NEB: variants seen among roughly 807,000 people sequenced by gnomAD.
NEB encodes nemaline myopathy type 2.
Under a neutral mutation model 952.2 loss-of-function variants are expected in NEB, and 512 were observed. That is an observed-to-expected ratio of 0.54 (90% CI 0.50 to 0.58). The LOEUF (loss-of-function observed/expected upper bound fraction) is 0.58, where lower values mean the gene tolerates loss of function less well. Ranked by LOEUF, NEB falls within the 20% of genes least tolerant of loss-of-function variation. NEB has a pLI of 0.00. For synonymous variants in NEB, 2,900 were observed against 3,149.8 expected, an observed-to-expected ratio of 0.92 and a Z score of 2.66; for missense variants, 8,428 against 9,231.1, an observed-to-expected ratio of 0.91 and a Z score of 3.56.
chr2:151,669,256 T>G, intron 38 of NEB, 125 bp from the exon 39 acceptor site: 1 of 675,298 alleles, frequency 1.5e-6, no homozygotes, highest in Admixed American at 2.3e-5. Context: ...AAATACCTAC[T>G]CTGTCATAAG....
chr2:151,546,134 A>T, intron 134 of NEB, 136 bp from the exon 135 acceptor site: 4 of 728,410 alleles, frequency 5.5e-6, no homozygotes, highest in Non-Finnish European at 9.0e-6. Context: ...CCCAGGCAGG[A>T]GCAAAAACAA....
chr2:151,643,225 A>G lies in NEB; in HGVS notation c.8085T>C (p.Asp2695=). 6.2e-7 allele frequency: 1 copy of G among 1,613,946 alleles called. No homozygotes were observed. The highest frequency in any genetic ancestry group is 1.1e-5 in the South Asian group (1 of 91,084). The part of the protein sequence containing the change: ...LSDHVYRQHP[D]QFKFSSLMDS... ...CCATAAGGCTGGAAAACTTAAATTGATCTGGGTGCTGACGGTAAACATGGT... is the reference window on the plus strand; with the variant it reads ...CCATAAGGCTGGAAAACTTAAATTGGTCTGGGTGCTGACGGTAAACATGGT... Residue 2695 remains aspartate, a synonymous_variant, in exon 58 of 182, where the codon GAT becomes GAC. Transcript: ENST00000397345.
In NEB at chr2:151,625,656, G is replaced by T; in HGVS notation, c.10348-18C>A. The T allele has an allele frequency of 1.3e-6, 2 of 1,518,206 alleles. No homozygotes were observed. The highest frequency in any genetic ancestry group is 1.8e-6 in the Non-Finnish European group (2 of 1,117,866). The allele number at this position is 1,518,206 out of a possible 1,614,324, so 94.0% of individuals were successfully genotyped here. A position where few individuals can be genotyped will look rare whatever the true frequency, so the allele number is the denominator to read the frequency against. Reference sequence around the variant, plus strand: ...TATAAGCGCTGTGAAGGATAAAAAGGTTAATGAATTAGAAAAACAGTTTGT... The same window carrying T: ...TATAAGCGCTGTGAAGGATAAAAAGTTTAATGAATTAGAAAAACAGTTTGT... On this transcript the variant is annotated intron_variant, in intron 70 of 181. Coordinates refer to ENST00000397345, the MANE Select transcript of NEB (RefSeq NM_001164508.2).
Position 151,546,099 on chromosome 2 carries a change from G to A in NEB, c.20467-101C>T, listed in dbSNP as rs550520536. The stretch of plus-strand genomic sequence containing the variant: ...TGTCTGGCATGTGTAAGCTGAGCAG[G>A]GCTTTCATGTGTCCTGGATGTCTTC... On this transcript the variant is annotated intron_variant, in intron 134 of 181. Coordinates refer to ENST00000397345, the MANE Select transcript of NEB (RefSeq NM_001164508.2). The A allele has an allele frequency of 7.1e-6, 6 of 846,612 alleles. No individual in the cohort carries two copies. The African/African-American group carries it at 8.5e-5, about 12-fold the overall frequency. 52.4% of individuals were successfully genotyped at this position (846,612 alleles called of 1,614,324 possible).
rs140332440 is a variant in NEB, at chr2:151,658,494, T to TA, written c.6076-405dup. On this transcript the variant is annotated intron_variant, in intron 47 of 181. Coordinates refer to ENST00000397345, the MANE Select transcript of NEB (RefSeq NM_001164508.2). ...TGTATAATAATGTGGAATCTACAATTAAAAAAAAAGGTCAGCTATTCCAAA... is the reference window on the plus strand; with the variant it reads ...TGTATAATAATGTGGAATCTACAATTAAAAAAAAAAGGTCAGCTATTCCAAA... Among the ~76,000 whole-genome samples the TA allele has an allele frequency of 4.2e-3, 638 of 150,490 alleles. 16 individuals are homozygous for TA. The East Asian group carries it at 0.072, about 17-fold the overall frequency.
chr2:151,605,332 A>G, intron 84 of NEB, among the ~76,000 whole-genome samples: 1 of 121,648 alleles, frequency 8.2e-6, no homozygotes, highest in Non-Finnish European at 2.0e-5. Flanking sequence ...GATAATCTCC[A>G]TCACCAAGCT....
chr2:151,722,698 C>T (rs2099778201), intron 9 of NEB, among the ~76,000 whole-genome samples: 2 of 152,102 alleles, frequency 1.3e-5, no homozygotes, highest in South Asian at 4.2e-4. Context: ...CATGCACCCC[C>T]ACACTTGGCT....
intron 114 of NEB, among the ~76,000 whole-genome samples, 188 bp from the exon 115 acceptor site, chr2:151,566,008 G>C (rs1342811106): frequency 6.6e-6 from 1 of 152,206 alleles, no homozygotes; most frequent in Non-Finnish European, 1.5e-5. Flanking sequence ...ACTATGCTTG[G>C]TGTTTTGATG....
Position 151,619,496 on chromosome 2 carries a change from C to T in NEB, c.10827G>A (p.Gln3609=), listed in dbSNP as rs775200475. 2.4e-5 allele frequency: 38 copies of T among 1,612,620 alleles called. No individual in the cohort carries two copies. In the South Asian group the frequency reaches 4.1e-4, roughly 17 times the overall value. ...CTTTCCGTGCATGAATGATGTCATT[C>T]TGGTCGGGCAGGCAGATCCATTCAT... The part of the protein sequence containing the change: ...PLHEWICLPD[Q]NDIIHARKAY... The change falls in exon 73 of 182, where the codon CAG becomes CAA. Residue 3609 remains glutamine (Q), a synonymous_variant. Coordinates refer to ENST00000397345, the MANE Select transcript of NEB (RefSeq NM_001164508.2).
chr2:151,520,858 T>C (rs908044653), intron 153 of NEB, among the ~76,000 whole-genome samples: 3 of 149,226 alleles, frequency 2.0e-5, no homozygotes, highest in Non-Finnish European at 2.9e-5. Context: ...AGCAAGACCC[T>C]GTCTCACAAA....
At chr2:151,648,530 C>A (rs2098991525) in intron 54 of NEB, among the ~76,000 whole-genome samples, 1 of 152,226 alleles carries the variant, frequency 6.6e-6, no homozygotes, top group Non-Finnish European at 1.5e-5. Context: ...GCATCCATCA[C>A]TGGAGCAACA....
rs567797595 is a variant in NEB at position 151,715,941 on chromosome 2, A to G, written c.822+1475T>C. ...TCAAAAATCACTTTTAAGAATCCCC[A>G]CTGCATATTTAAATAAGGCAAAAGA... On this transcript the variant is annotated intron_variant, in intron 10 of 181. Transcript: ENST00000397345. Among the ~76,000 whole-genome samples, 142 of 152,248 alleles carry G rather than the reference A, an allele frequency of 9.3e-4. No individual in the cohort carries two copies. In the East Asian group the frequency reaches 9.9e-3, roughly 11 times the overall value.
At chr2:151,703,895 G>A (rs913497342) in intron 13 of NEB, among the ~76,000 whole-genome samples, 8 of 134,534 alleles carry the variant, frequency 5.9e-5, no homozygotes, top group Admixed American at 4.0e-4. Flanking sequence ...TTATTCCGTT[G>A]CTGGTGAGGA....
intron 48 of NEB, among the ~76,000 whole-genome samples, chr2:151,657,623 A>G (rs2099099827): frequency 6.6e-6 from 1 of 152,222 alleles, no homozygotes; most frequent in African/African-American, 2.4e-5. Context: ...TACATGAGAC[A>G]TCCTGTTAGA....
At position 151,546,329 on chromosome 2, in the gene NEB, G is replaced by T; in HGVS notation, c.20466+16C>A. ...TGTGCGGGGGGTAATTATGCATTGTGATGATGTGCACTCACCCAGAGCTTC... is the reference window on the plus strand; with the variant it reads ...TGTGCGGGGGGTAATTATGCATTGTTATGATGTGCACTCACCCAGAGCTTC... On this transcript the variant is annotated intron_variant, in intron 134 of 181. Transcript: ENST00000397345. The T allele has an allele frequency of 6.3e-7, 1 of 1,597,818 alleles. No individual in the cohort carries two copies. Among genetic ancestry groups the T allele is most frequent in the Non-Finnish European group, 8.6e-7 (1 of 1,168,538 alleles).
intron 126 of NEB, 109 bp from the exon 127 acceptor site, chr2:151,553,611 C>A: frequency 1.1e-6 from 1 of 896,938 alleles, no homozygotes; most frequent in African/African-American, 1.7e-5. Flanking sequence ...GAATGAGGAG[C>A]AAAGGCATTA....
chr2:151,713,607 T>C (rs1219695551), intron 10 of NEB, among the ~76,000 whole-genome samples: 1 of 152,190 alleles, frequency 6.6e-6, no homozygotes, highest in African/African-American at 2.4e-5. Context: ...TTTTTTCTTT[T>C]GTGGATCTGG....
intron 162 of NEB, among the ~76,000 whole-genome samples, chr2:151,507,483 G>T (rs1336540971): frequency 6.6e-6 from 1 of 152,138 alleles, no homozygotes; most frequent in Non-Finnish European, 1.5e-5. Flanking sequence ...TCTCCTTCCA[G>T]AAGGGTCCTC....
At position 151,684,930 on chromosome 2, in the gene NEB, C is replaced by T. The variant is rs753428817; in HGVS notation, c.2683G>A (p.Ala895Thr). 110 of 1,612,566 alleles carry T rather than the reference C, an allele frequency of 6.8e-5. No individual in the cohort carries two copies. Among genetic ancestry groups the T allele is most frequent in the African/African-American group, 9.3e-5 (7 of 74,878 alleles). ...GTGACTTGGAGCATATCAAGAGGTG[C>T]CGTGTAGATAGTTTTTGACTTTTCA... ...DYEKSKTIYT[A>T]PLDMLQVTQA... Residue 895 changes from alanine (A) to threonine (T), a missense_variant, in exon 28 of 182, where the codon GCA becomes ACA. Ala to Thr is a moderately conservative substitution (Grantham distance 58). Coordinates refer to ENST00000397345, the MANE Select transcript of NEB (RefSeq NM_001164508.2).
Sources: allele counts gnomAD v4.1 joint callset (sites outside exome capture counted in the v4.1 genomes callset), GRCh38; gene constraint gnomAD v4.1.1; transcripts MANE v1.5; gene names NCBI Gene and HGNC (gene_info 2026-07-23, HGNC 2026-07-21).